JAZF1: variants seen among roughly 807,000 people sequenced by gnomAD.
JAZF1 encodes the protein juxtaposed with another zinc finger protein 1.
Under a neutral mutation model 26.4 loss-of-function variants are expected in JAZF1, and 8 were observed. That is an observed-to-expected ratio of 0.30 (90% CI 0.18 to 0.55). The LOEUF (loss-of-function observed/expected upper bound fraction) is 0.55. JAZF1 is among the 20% of genes least tolerant of loss of function. The pLI is 0.94. For synonymous variants in JAZF1, 126 were observed against 122.3 expected, an observed-to-expected ratio of 1.03 and a Z score of -0.20; for missense variants, 199 against 322.0, an observed-to-expected ratio of 0.62 and a Z score of 2.92.
At position 27,903,475 on chromosome 7, in the gene JAZF1, G is replaced by A. The variant is rs536527384; in HGVS notation, c.189-8059C>T. Among the ~76,000 whole-genome samples the A allele has an allele frequency of 7.9e-5, 12 of 152,318 alleles. No homozygotes were observed. The South Asian group carries it at 1.7e-3, about 21-fold the overall frequency. On this transcript the variant is annotated intron_variant, in intron 2 of 4. Coordinates refer to ENST00000283928, the MANE Select transcript of JAZF1 (RefSeq NM_175061.4). Reference sequence around the variant, plus strand: ...CTCCCAAAGTGTTGGGATTACAGGCGTGAGCCACTGTGCCCGGCCCAGGCA... The same window carrying A: ...CTCCCAAAGTGTTGGGATTACAGGCATGAGCCACTGTGCCCGGCCCAGGCA...
In JAZF1 at chr7:28,156,309, T is replaced by TGTG. The variant is rs776472269; in HGVS notation, c.115+24151_115+24153dup. ...CCAGTCAAGGACTGAGATTGCTCTG[T>TGTG]GTGGTGGTGGTGGTCACCTGGCCAA... On this transcript the variant is annotated intron_variant, in intron 1 of 4. Transcript: ENST00000283928. Among the ~76,000 whole-genome samples, 13 of 152,328 alleles carry TGTG rather than the reference T, an allele frequency of 8.5e-5. No homozygotes were observed. The East Asian group carries it at 1.2e-3, about 14-fold the overall frequency.
chr7:28,024,986 G>A (rs1023580806), intron 1 of JAZF1, among the ~76,000 whole-genome samples: 2 of 152,206 alleles, frequency 1.3e-5, no homozygotes, highest in Admixed American at 6.5e-5. Context: ...TGCAGGAAGA[G>A]AAAGCCCTGA....
intron 1 of JAZF1, among the ~76,000 whole-genome samples, chr7:28,086,546 T>C (rs544924526): frequency 3.3e-5 from 5 of 152,344 alleles, no homozygotes; most frequent in East Asian, 1.9e-4. Flanking sequence ...CACATATACA[T>C]GTGCACACAC....
intron 1 of JAZF1, among the ~76,000 whole-genome samples, chr7:28,166,976 G>A (rs1362468593): frequency 2.0e-5 from 3 of 152,182 alleles, no homozygotes; most frequent in Non-Finnish European, 4.4e-5. Context: ...AAGAGGACAG[G>A]AGACTTTGAG....
chr7:28,099,368 CTT>C (rs1350618005), intron 1 of JAZF1, among the ~76,000 whole-genome samples: 1 of 139,824 alleles, frequency 7.2e-6, no homozygotes. Flanking sequence ...TTTTTTTTTT[CTT>C]TTTTTTTTTA....
At chr7:28,002,462 C>A (rs1300419582) in intron 1 of JAZF1, among the ~76,000 whole-genome samples, 1 of 152,208 alleles carries the variant, frequency 6.6e-6, no homozygotes, top group African/African-American at 2.4e-5. Flanking sequence ...TGCCTCAATT[C>A]AATCCTAGCT....
intron 1 of JAZF1, among the ~76,000 whole-genome samples, chr7:28,118,570 G>A (rs180871864): frequency 4.6e-4 from 70 of 152,198 alleles, no homozygotes; most frequent in African/African-American, 1.6e-3. Flanking sequence ...AAAATTTCTC[G>A]TAAACTGGAA....
intron 2 of JAZF1, among the ~76,000 whole-genome samples, chr7:27,896,304 A>G (rs920084825): frequency 6.6e-6 from 1 of 150,966 alleles, no homozygotes; most frequent in African/African-American, 2.5e-5. Flanking sequence ...ATTCAAAACA[A>G]TCTATGAAAT....
intron 3 of JAZF1, among the ~76,000 whole-genome samples, chr7:27,875,237 C>T (rs1450652871): frequency 3.9e-5 from 6 of 152,114 alleles, no homozygotes; most frequent in African/African-American, 1.4e-4. Context: ...CAACTCCCAT[C>T]GGCTCTACTC....
intron 3 of JAZF1, chr7:27,863,760 C>T (rs987911161): frequency 1.1e-4 from 16 of 152,306 alleles, no homozygotes; most frequent in African/African-American, 3.1e-4. Context: ...TGTGACTACG[C>T]GATGTGGTTC....
chr7:27,990,606 A>G (rs1372630399), intron 2 of JAZF1, among the ~76,000 whole-genome samples: 1 of 152,190 alleles, frequency 6.6e-6, no homozygotes, highest in East Asian at 1.9e-4. Flanking sequence ...TGACAGCCAC[A>G]CTATTAGAAG....
chr7:27,882,338 C>G (rs1481142175), intron 3 of JAZF1, among the ~76,000 whole-genome samples: 1 of 150,826 alleles, frequency 6.6e-6, no homozygotes, highest in Non-Finnish European at 1.5e-5. Context: ...AAACAAAAAA[C>G]AAAAACTTAT....
chr7:27,842,270 C>T (rs6946448), intron 3 of JAZF1: 34,010 of 152,022 alleles, frequency 0.22, 4,023 homozygotes, highest in African/African-American at 0.27. Flanking sequence ...TTACTGTCAC[C>T]GTTATACACA....
chr7:28,178,657 C>T (rs1783584129), intron 1 of JAZF1, among the ~76,000 whole-genome samples: 1 of 152,156 alleles, frequency 6.6e-6, no homozygotes, highest in Non-Finnish European at 1.5e-5. Flanking sequence ...TTTAAACTAG[C>T]CATCATGAAA....
intron 1 of JAZF1, among the ~76,000 whole-genome samples, chr7:28,095,447 A>G (rs1784368525): frequency 6.6e-6 from 1 of 152,168 alleles, no homozygotes; most frequent in African/African-American, 2.4e-5. Context: ...TTACAAAGCC[A>G]TCAGATCTTG....
At chr7:27,962,351 C>G (rs1466298226) in intron 2 of JAZF1, among the ~76,000 whole-genome samples, 1 of 152,120 alleles carries the variant, frequency 6.6e-6, no homozygotes, top group Non-Finnish European at 1.5e-5. Flanking sequence ...GACAACCATA[C>G]CCATTAAGTG....
At chr7:28,065,897 CA>C (rs1218980969) in intron 1 of JAZF1, among the ~76,000 whole-genome samples, 4 of 152,172 alleles carry the variant, frequency 2.6e-5, no homozygotes, top group African/African-American at 7.2e-5. Context: ...TGACACCAAG[CA>C]GGGGGTGGGA....
At chr7:27,943,603 G>C (rs1410496594) in intron 2 of JAZF1, among the ~76,000 whole-genome samples, 1 of 152,196 alleles carries the variant, frequency 6.6e-6, no homozygotes, top group Admixed American at 6.5e-5. Context: ...CCAAGTTAGT[G>C]CCACGAGGGT....
rs762560059 is a variant in JAZF1 at position 27,840,877 on chromosome 7, A to C, written c.386-10T>G. On this transcript the variant is annotated splice_polypyrimidine_tract_variant and intron_variant, in intron 3 of 4. Transcript: ENST00000283928. The surrounding 1 kb of genome is among the most constrained non-coding windows in gnomAD (Gnocchi z 5.1). ...TCGTCATACTCGCTGCCTGCAGGAC[A>C]AGAGAAGTGCAAGGACTGTCAGGAG... The C allele has an allele frequency of 1.2e-6, 2 of 1,613,600 alleles. No individual in the cohort carries two copies. The highest frequency in any genetic ancestry group is 1.7e-6 in the Non-Finnish European group (2 of 1,179,776).
Sources: gnomAD v4.1 joint callset for allele counts (sites outside exome capture counted in the v4.1 genomes callset) on GRCh38, gnomAD v4.1.1 for gene constraint, Gnocchi (gnomAD v3.1) non-coding constraint, MANE v1.5 for transcripts, NCBI Gene and HGNC (gene_info 2026-07-23, HGNC 2026-07-21) for gene names.